Variants in FGF13 observed in about 807,000 individuals in gnomAD.
FGF13 encodes the protein fibroblast growth factor 13.
Under a neutral mutation model 19.5 loss-of-function variants are expected in FGF13, and 2 were observed. The observed-to-expected ratio is 0.10, with a 90% CI of 0.04 to 0.32. FGF13 has a LOEUF of 0.32. Among genes scored for constraint, FGF13 ranks in the 10% least tolerant of loss-of-function variants. The pLI, the probability that FGF13 is intolerant of heterozygous loss-of-function variation, is 1.00. For missense variants in FGF13, 113 were observed against 192.7 expected (o/e 0.59, Z 2.45); for synonymous variants, 72 against 76.9 (o/e 0.94, Z 0.33).
chrX:138,895,341 G>T (rs1017827430), intron 1 of FGF13, among the ~76,000 whole-genome samples: 1 of 112,037 alleles, frequency 8.9e-6, no homozygotes, highest in African/African-American at 3.2e-5. Context: ...TATCTAAAAT[G>T]TATAGGGAAT....
chrX:138,633,276 A>G (rs1361638478), intron 4 of FGF13, among the ~76,000 whole-genome samples: 2 of 111,635 alleles, frequency 1.8e-5, no homozygotes, highest in Non-Finnish European at 3.8e-5. Flanking sequence ...ACTGGTCCTC[A>G]ACTTTTCTTT....
rs530868214 is a variant in FGF13, at chrX:138,730,206, G to A, written c.28+9036C>T. Among the ~76,000 whole-genome samples, 19 of 110,437 alleles carry A rather than the reference G, an allele frequency of 1.7e-4. 1 individual carries two copies. The South Asian group carries it at 5.0e-3, about 29-fold the overall frequency. ...TGTCGTGGGGTGGAGGAGGGGGGAAGGGATAGCATTAGGAGATATACCTAA... is the reference window on the plus strand; with the variant it reads ...TGTCGTGGGGTGGAGGAGGGGGGAAAGGATAGCATTAGGAGATATACCTAA... On this transcript the variant is annotated intron_variant, in intron 1 of 4. Transcript: ENST00000305414.
intron 1 of FGF13, among the ~76,000 whole-genome samples, chrX:138,916,828 G>A (rs2091620302): frequency 8.9e-6 from 1 of 111,971 alleles, no homozygotes; most frequent in African/African-American, 3.2e-5. Flanking sequence ...AAAAAGAAAT[G>A]TGCCCAAGTT....
chrX:138,778,634 G>C (rs965195650), intron 3 of FGF13, among the ~76,000 whole-genome samples: 30 of 112,386 alleles, frequency 2.7e-4, no homozygotes, highest in African/African-American at 8.7e-4. Context: ...CACACCGGGA[G>C]AATATATCCC....
At chrX:138,800,440 T>A (rs2090819409) in intron 3 of FGF13, among the ~76,000 whole-genome samples, 1 of 111,900 alleles carries the variant, frequency 8.9e-6, no homozygotes, top group Admixed American at 9.5e-5. Context: ...TGCACAGAGA[T>A]CCGCTGTTAG....
intron 1 of FGF13, among the ~76,000 whole-genome samples, chrX:139,066,367 G>A (rs1403499281): frequency 1.8e-5 from 2 of 110,957 alleles, no homozygotes; most frequent in African/African-American, 6.5e-5. Flanking sequence ...ACGAATCCAG[G>A]AGCTGGTTTT....
At chrX:138,872,731 T>C (rs2091364893) in intron 1 of FGF13, among the ~76,000 whole-genome samples, 1 of 112,289 alleles carries the variant, frequency 8.9e-6, no homozygotes, top group African/African-American at 3.2e-5. Context: ...CACTCTTTTA[T>C]GGAAGTGGTA....
At chrX:138,957,786 A>T (rs1356047988) in intron 1 of FGF13, among the ~76,000 whole-genome samples, 1 of 111,710 alleles carries the variant, frequency 9.0e-6, no homozygotes, top group Admixed American at 9.5e-5. Flanking sequence ...GCAATTGTGA[A>T]TAGGAGTTCA....
intron 1 of FGF13, among the ~76,000 whole-genome samples, chrX:138,722,801 C>A (rs2090156759): frequency 9.0e-6 from 1 of 111,328 alleles, no homozygotes; most frequent in African/African-American, 3.3e-5. Flanking sequence ...TCTGTAGTTT[C>A]TTTACAGGGT....
At chrX:139,154,159 G>A (rs183006261) in intron 1 of FGF13, among the ~76,000 whole-genome samples, 182 of 111,711 alleles carry the variant, frequency 1.6e-3, no homozygotes, top group African/African-American at 5.6e-3. Context: ...CTACCCCCTT[G>A]TATATGCACA....
chrX:138,760,154 T>G (rs1275120949), intron 3 of FGF13, among the ~76,000 whole-genome samples: 1 of 111,224 alleles, frequency 9.0e-6, no homozygotes, highest in African/African-American at 3.3e-5. Flanking sequence ...TCCTAAACAA[T>G]GCACCGTTAA....
At chrX:138,847,203 A>G (rs1296787369) in intron 3 of FGF13, among the ~76,000 whole-genome samples, 1 of 111,508 alleles carries the variant, frequency 9.0e-6, no homozygotes, top group Non-Finnish European at 1.9e-5. Flanking sequence ...GTTCAAATCA[A>G]GTCCTCTCAT....
At chrX:139,102,843 G>A (rs1452086952) in intron 1 of FGF13, among the ~76,000 whole-genome samples, 2 of 112,660 alleles carry the variant, frequency 1.8e-5, no homozygotes, top group Non-Finnish European at 3.7e-5. Context: ...CCATGGACAA[G>A]CAGGGTTTAG....
At chrX:138,720,859 G>T (rs7888893) in intron 1 of FGF13, among the ~76,000 whole-genome samples, 1,189 of 111,964 alleles carry the variant, frequency 0.011, 18 homozygotes, top group South Asian at 0.046. Context: ...TAAAGAATTT[G>T]CAAAACCTTA....
chrX:139,198,411 C>G (rs1158073439), intron 1 of FGF13, among the ~76,000 whole-genome samples: 1 of 111,494 alleles, frequency 9.0e-6, no homozygotes, highest in Non-Finnish European at 1.9e-5. Context: ...GCAGGCCAAG[C>G]AAGCAACTTA....
intron 3 of FGF13, among the ~76,000 whole-genome samples, chrX:138,675,119 G>A (rs1348936607): frequency 2.7e-5 from 3 of 110,856 alleles, no homozygotes; most frequent in Non-Finnish European, 5.7e-5. Context: ...CCAAACTCTT[G>A]CCGCTTTCCC....
rs894395144 is a variant in FGF13, at chrX:138,621,952, A to T, written c.*10898T>A. The T allele has an allele frequency of 9.0e-6, 1 of 111,186 alleles. No homozygotes were observed. Among genetic ancestry groups the T allele is most frequent in the African/African-American group, 3.3e-5 (1 of 30,618 alleles). 9.2% of individuals were successfully genotyped at this position (111,186 alleles called of 1,213,427 possible). On this transcript the variant is annotated 3_prime_UTR_variant, in exon 5 of 5. Transcript: ENST00000315930. ...AAGAATATTGAATCAGCAATTTTTT[A>T]AAAAAGAACTTCCCAACAAAGTAAA...
intron 1 of FGF13, among the ~76,000 whole-genome samples, chrX:138,727,695 C>T (rs1049389872): frequency 1.8e-4 from 20 of 111,268 alleles, no homozygotes; most frequent in Non-Finnish European, 3.2e-4. Flanking sequence ...CTAGGAAAAA[C>T]GTGGAACTAG....
At position 138,699,976 on chromosome X, in the gene FGF13, G is replaced by T. The variant is rs186220464; in HGVS notation, c.402+3008C>A. Among the ~76,000 whole-genome samples the T allele has an allele frequency of 2.7e-5, 3 of 110,431 alleles. No homozygotes were observed. The Admixed American group carries it at 2.9e-4, about 11-fold the overall frequency. On this transcript the variant is annotated intron_variant, in intron 3 of 4. Transcript: ENST00000315930. Reference sequence around the variant, plus strand: ...CAAAATTCCCCCTCTCCCTCATGACGCCTGATAATCCACTGAGCACTTCTG... The same window carrying T: ...CAAAATTCCCCCTCTCCCTCATGACTCCTGATAATCCACTGAGCACTTCTG...
Sources: gnomAD v4.1 joint callset for allele counts (sites outside exome capture counted in the v4.1 genomes callset) on GRCh38, gnomAD v4.1.1 for gene constraint, MANE v1.5 for transcripts, NCBI Gene and HGNC (gene_info 2026-07-23, HGNC 2026-07-21) for gene names.